Variants in PCDHGA4 observed in about 807,000 individuals in gnomAD.
PCDHGA4 encodes the protein protocadherin gamma-A4.
Under a neutral mutation model 54.6 loss-of-function variants are expected in PCDHGA4, and 38 were observed. That is an observed-to-expected ratio of 0.70 (90% CI 0.54 to 0.91). The LOEUF (loss-of-function observed/expected upper bound fraction) is 0.91. Among genes scored for constraint, PCDHGA4 ranks in the 40% least tolerant of loss-of-function variants. The pLI is 0.00. For synonymous variants in PCDHGA4, 511 were observed against 512.9 expected (o/e 1.00, Z 0.05); for missense variants, 1,298 against 1,220.9 (o/e 1.06, Z -0.94).
rs2099615088 is a variant in PCDHGA4, at chr5:141,485,526, G to A, written c.2515-9281G>A. On this transcript the variant is annotated intron_variant, in intron 1 of 3. Coordinates refer to ENST00000571252, the MANE Select transcript of PCDHGA4 (RefSeq NM_018917.4). The surrounding 1 kb of genome is among the most constrained non-coding windows in gnomAD (Gnocchi z 5.7). Reference sequence around the variant, plus strand: ...ACCGAAGGTCCTTTGGAAATGTACCGAGCAGAGGTAGAGATCGTAGATGTG... The same window carrying A: ...ACCGAAGGTCCTTTGGAAATGTACCAAGCAGAGGTAGAGATCGTAGATGTG... 6.2e-7 allele frequency: 1 copy of A among 1,614,154 alleles called. No individual in the cohort carries two copies. The highest frequency in any genetic ancestry group is 2.2e-5 in the East Asian group (1 of 44,880).
rs1399250599 is a variant in PCDHGA4, at chr5:141,476,902, C to A, written c.2515-17905C>A. On this transcript the variant is annotated intron_variant, in intron 1 of 3. Coordinates refer to ENST00000571252, the MANE Select transcript of PCDHGA4 (RefSeq NM_018917.4). The surrounding 1 kb of genome is among the most constrained non-coding windows in gnomAD (Gnocchi z 7.6). ...TGGAGGATGCACCCTCCGGCACGCG[C>A]GTGGTACAAGTCCTTGCAACGGATC... 5 of 1,613,880 alleles carry A rather than the reference C, an allele frequency of 3.1e-6. No individual in the cohort carries two copies. Among genetic ancestry groups the A allele is most frequent in the South Asian group, 1.1e-5 (1 of 91,090 alleles).
At chr5:141,465,867 A>G (rs1049493106) in intron 1 of PCDHGA4, among the ~76,000 whole-genome samples, 5 of 152,040 alleles carry the variant, frequency 3.3e-5, no homozygotes, top group African/African-American at 9.7e-5. Context: ...TCATGCCTGT[A>G]ATCCCAGCAC....
At chr5:141,387,534 G>T in intron 1 of PCDHGA4, among the ~76,000 whole-genome samples, 1 of 152,198 alleles carries the variant, frequency 6.6e-6, no homozygotes, top group East Asian at 1.9e-4. Context: ...ACGTATCCAC[G>T]TAGTTTTTGT....
chr5:141,415,096 G>A (rs1398998410), intron 1 of PCDHGA4: 3 of 1,613,462 alleles, frequency 1.9e-6, no homozygotes, highest in Non-Finnish European at 2.5e-6. Flanking sequence ...GGACAGAGAC[G>A]CGCTCAAGCA....
intron 1 of PCDHGA4, chr5:141,374,129 C>A: frequency 6.2e-7 from 1 of 1,603,566 alleles, no homozygotes; most frequent in South Asian, 1.1e-5. Flanking sequence ...GCAGGTCCTG[C>A]TCCTCACGCT....
At chr5:141,376,216 G>A (rs1036569498) in intron 1 of PCDHGA4, 23 of 1,614,106 alleles carry the variant, frequency 1.4e-5, no homozygotes, top group Non-Finnish European at 1.9e-5. Flanking sequence ...TCATCGTGCT[G>A]CTGGCGCTCA....
intron 1 of PCDHGA4, among the ~76,000 whole-genome samples, chr5:141,470,448 T>C (rs1384666661): frequency 6.6e-6 from 1 of 152,192 alleles, no homozygotes. Flanking sequence ...TTTAATAGCA[T>C]CTTGAATAGG....
chr5:141,501,530 G>T (rs556760554), intron 2 of PCDHGA4, among the ~76,000 whole-genome samples: 1 of 151,998 alleles, frequency 6.6e-6, no homozygotes, highest in East Asian at 1.9e-4. Flanking sequence ...AGCCCAGTAC[G>T]TTGTTGTGCA....
chr5:141,387,885 A>G, intron 1 of PCDHGA4: 2 of 1,578,800 alleles, frequency 1.3e-6, no homozygotes, highest in Non-Finnish European at 1.7e-6. Context: ...AGCAAGAGGG[A>G]TGGGGAGCGG....
In PCDHGA4 at chr5:141,477,380, G is replaced by C; in HGVS notation, c.2515-17427G>C. The C allele has an allele frequency of 6.2e-7, 1 of 1,614,116 alleles. No homozygotes were observed. The highest frequency in any genetic ancestry group is 8.5e-7 in the Non-Finnish European group (1 of 1,180,028). On this transcript the variant is annotated intron_variant, in intron 1 of 3. Transcript: ENST00000571252. The surrounding 1 kb of genome is among the most constrained non-coding windows in gnomAD (Gnocchi z 4.9). ...AGACCTGGATCGGGAGACTGTGCCA[G>C]AATACAACCTCAGCATCACCGCCCG...
chr5:141,448,639 T>A (rs1248697237), intron 1 of PCDHGA4, among the ~76,000 whole-genome samples: 1 of 152,148 alleles, frequency 6.6e-6, no homozygotes, highest in Admixed American at 6.6e-5. Flanking sequence ...CATTATATCC[T>A]TTAAAAATAT....
At chr5:141,394,955 C>A (rs2093135329) in intron 1 of PCDHGA4, 11 of 1,613,878 alleles carry the variant, frequency 6.8e-6, no homozygotes, top group Non-Finnish European at 8.5e-6. Context: ...TTCTGGGGCT[C>A]AGGCTGAGGC....
chr5:141,421,328 A>G (rs1355932974), intron 1 of PCDHGA4: 1 of 1,613,902 alleles, frequency 6.2e-7, no homozygotes. Flanking sequence ...CAGATCCGAT[A>G]TTCGGTGCCA....
At chr5:141,428,204 C>T (rs756271858) in intron 1 of PCDHGA4, 23 of 1,324,604 alleles carry the variant, frequency 1.7e-5, no homozygotes, top group Admixed American at 5.5e-5. Flanking sequence ...TGCGCCGCTA[C>T]GCTTCACCTA....
chr5:141,398,854 A>C, intron 1 of PCDHGA4: 1 of 1,613,984 alleles, frequency 6.2e-7, no homozygotes, highest in Non-Finnish European at 8.5e-7. Flanking sequence ...CCCGGTATTC[A>C]ACCGAGACGT....
At chr5:141,425,429 A>G in intron 1 of PCDHGA4, among the ~76,000 whole-genome samples, 1 of 152,254 alleles carries the variant, frequency 6.6e-6, no homozygotes, top group East Asian at 1.9e-4. Flanking sequence ...CCCATTAAAT[A>G]GAGGATAAAA....
intron 2 of PCDHGA4, among the ~76,000 whole-genome samples, chr5:141,505,177 A>T (rs917485235): frequency 6.6e-6 from 1 of 152,180 alleles, no homozygotes. Context: ...AAAAGAAAAA[A>T]GCATCGGAGG....
Position 141,355,724 on chromosome 5 carries a change from A to C in PCDHGA4, c.617A>C (p.Asn206Thr), listed in dbSNP as rs749817952. 6.2e-7 allele frequency: 1 copy of C among 1,613,970 alleles called. No individual in the cohort carries two copies. The highest frequency in any genetic ancestry group is 8.5e-7 in the Non-Finnish European group (1 of 1,179,878). The change falls in exon 1 of 4, where the codon AAC becomes ACC. Residue 206 changes from asparagine (N) to threonine (T), a missense_variant. Coordinates refer to ENST00000571252, the MANE Select transcript of PCDHGA4 (RefSeq NM_018917.4). ...NSLQGYQLNS[N>T]GYFSLDVQSG... ...CTGCAGGGTTACCAGCTCAACTCAA[A>C]CGGTTACTTTTCCCTGGACGTGCAA...
rs750397953 is a variant in PCDHGA4 at position 141,409,543 on chromosome 5, C to CA, written c.2514+51924dup. 2.4e-5 allele frequency: 38 copies of CA among 1,613,884 alleles called. No individual in the cohort carries two copies. The South Asian group carries it at 4.1e-4, about 17-fold the overall frequency. On this transcript the variant is annotated intron_variant, in intron 1 of 3. Transcript: ENST00000571252. ...CCTTGTATGTCGCTGACATCAACGACAACGCCCCAGTTTTCGACCAGACGT... is the reference window on the plus strand; with the variant it reads ...CCTTGTATGTCGCTGACATCAACGACAAACGCCCCAGTTTTCGACCAGACGT...
Sources: gnomAD v4.1 joint callset for allele counts (sites outside exome capture counted in the v4.1 genomes callset) on GRCh38, gnomAD v4.1.1 for gene constraint, Gnocchi (gnomAD v3.1) non-coding constraint, MANE v1.5 for transcripts, NCBI Gene and HGNC (gene_info 2026-07-23, HGNC 2026-07-21) for gene names.